SACS: variants seen among roughly 807,000 people sequenced by gnomAD.
The protein encoded by SACS is sacsin.
SACS carries 197 observed loss-of-function variants against 348.0 expected under a neutral mutation model. That is an observed-to-expected ratio of 0.57 (90% confidence interval 0.50 to 0.64). The LOEUF (loss-of-function observed/expected upper bound fraction) is 0.64. Ranked by LOEUF, SACS falls within the 30% of genes least tolerant of loss-of-function variation. The probability of loss-of-function intolerance (pLI) is 0.00; values close to 1 mark genes in which losing one functional copy is unlikely to be tolerated. For synonymous variants in SACS, 1,985 were observed against 1,910.6 expected (o/e 1.04, Z -1.02); for missense variants, 4,999 against 5,360.8 (o/e 0.93, Z 2.11).
At chr13:23,424,481 C>A (rs36118774) in intron 1 of SACS, among the ~76,000 whole-genome samples, 3 of 151,388 alleles carry the variant, frequency 2.0e-5, no homozygotes, top group Non-Finnish European at 4.4e-5. Flanking sequence ...GCCGAGATCA[C>A]GCCACTGCCC....
In SACS at chr13:23,358,411, T is replaced by C. The variant is rs1430720355; in HGVS notation, c.528A>G (p.Ala176=). The C allele has an allele frequency of 6.2e-7, 1 of 1,614,210 alleles. No homozygotes were observed. Among genetic ancestry groups the C allele is most frequent in the Non-Finnish European group, 8.5e-7 (1 of 1,180,006 alleles). ...PEDWHGIQEI[A]RSRKKDDPLK... is the part of the protein sequence containing the mutation. The stretch of plus-strand genomic sequence containing the variant: ...GAGGATCATCCTTTTTCCTGCTTCT[T>C]GCTATTTCTTGAATGCCGTGCCAGT... The change falls in exon 7 of 10, where the codon GCA becomes GCG. Residue 176 remains alanine (A), a synonymous_variant. Transcript: ENST00000382292.
intron 6 of SACS, among the ~76,000 whole-genome samples, chr13:23,363,322 G>A (rs1354019490): frequency 6.6e-6 from 1 of 151,800 alleles, no homozygotes; most frequent in Non-Finnish European, 1.5e-5. Context: ...CTGCCTCCCA[G>A]GTTCAAGCGA....
chr13:23,425,439 C>A (rs534182945), intron 1 of SACS, among the ~76,000 whole-genome samples: 22 of 152,162 alleles, frequency 1.4e-4, no homozygotes, highest in Non-Finnish European at 2.9e-4. Flanking sequence ...TGACTAGGGC[C>A]TGGCATCAAC....
rs529925586 is a variant in SACS, at chr13:23,333,834, A to G, written c.10042T>C (p.Leu3348=). ...CSKDSAFVPL[L]SCHTANIESP... ...TCTATATTTGCTGTGTGACATGACA[A>G]CAAAGGAACAAATGCACTGTCTTTG... is the stretch of plus-strand genomic sequence containing the variant. The change falls in exon 10 of 10, where the codon TTG becomes CTG. Residue 3348 remains leucine (L), a synonymous_variant. Coordinates refer to ENST00000382292, the MANE Select transcript of SACS (RefSeq NM_014363.6). 1.5e-5 allele frequency: 24 copies of G among 1,613,890 alleles called. No homozygotes were observed. The highest frequency in any genetic ancestry group is 1.5e-4 in the African/African-American group (11 of 75,036).
In SACS at chr13:23,333,772, C is replaced by T; in HGVS notation, c.10104G>A (p.Met3368Ile). 6.2e-7 allele frequency: 1 copy of T among 1,613,722 alleles called. No individual in the cohort carries two copies. Among genetic ancestry groups the T allele is most frequent in the Non-Finnish European group, 8.5e-7 (1 of 1,179,794 alleles). Reference protein sequence around the residue: ...PTSILKALHYMVQTSTFRAEK... With the variant: ...PTSILKALHYIVQTSTFRAEK... Reference sequence around the variant, plus strand: ...CTGCTCTAAATGTTGAAGTTTGGACCATATAATGTAGAGCCTTCAAGATGC... The same window carrying T: ...CTGCTCTAAATGTTGAAGTTTGGACTATATAATGTAGAGCCTTCAAGATGC... Residue 3368 changes from methionine (M) to isoleucine (I), a missense_variant, in exon 10 of 10, where the codon ATG becomes ATA. Coordinates refer to ENST00000382292, the MANE Select transcript of SACS (RefSeq NM_014363.6).
At chr13:23,408,542 A>T (rs781780549) in intron 2 of SACS, among the ~76,000 whole-genome samples, 8 of 152,188 alleles carry the variant, frequency 5.3e-5, no homozygotes, top group Non-Finnish European at 8.8e-5. Flanking sequence ...TTTTCCCACA[A>T]TATTTCCATA....
rs758570844 is a variant in SACS at position 23,338,165 on chromosome 13, G to C, written c.5711C>G (p.Thr1904Arg). The C allele has an allele frequency of 5.1e-5, 82 of 1,613,942 alleles. 1 individual carries two copies. In the Middle Eastern group the frequency reaches 1.8e-3, roughly 36 times the overall value. Residue 1904 changes from threonine (T) to arginine (R), a missense_variant, in exon 10 of 10, where the codon ACA (threonine) becomes AGA (arginine). This residue lies in a region of SACS where 3,156 missense variants were observed against 3,380.1 expected (regional missense o/e 0.93). Transcript: ENST00000382292. Reference protein sequence around the residue: ...SNRKEIWKTDTKGRWNTTFMR... With the variant: ...SNRKEIWKTDRKGRWNTTFMR... ...GAACGTGGTATTCCATCGTCCTTTTGTATCTGTTTTCCAGATTTCTTTCCT... is the reference window on the plus strand; with the variant it reads ...GAACGTGGTATTCCATCGTCCTTTTCTATCTGTTTTCCAGATTTCTTTCCT...
chr13:23,387,304 C>T (rs1450313994), intron 2 of SACS, among the ~76,000 whole-genome samples: 1 of 151,242 alleles, frequency 6.6e-6, no homozygotes, highest in Non-Finnish European at 1.5e-5. Context: ...CTAAAAAACA[C>T]AAAAAAAATT....
Position 23,331,463 on chromosome 13 carries a change from C to T in SACS, c.12413G>A (p.Ser4138Asn), listed in dbSNP as rs749642732. ...CGAAGAGTCATATTTCACTCCTAAACTGTCAAGTTTCTCACCAATCCTGTA... is the reference window on the plus strand; with the variant it reads ...CGAAGAGTCATATTTCACTCCTAAATTGTCAAGTTTCTCACCAATCCTGTA... The part of the protein sequence containing the change: ...DIYRIGEKLD[S>N]LGVKYDSSEP... Residue 4138 changes from serine to asparagine, a missense_variant, in exon 10 of 10, where the codon AGT (serine) becomes AAT (asparagine). Transcript: ENST00000382292. The T allele has an allele frequency of 6.2e-7, 1 of 1,614,040 alleles. No homozygotes were observed. Among genetic ancestry groups the T allele is most frequent in the Non-Finnish European group, 8.5e-7 (1 of 1,179,960 alleles).
At chr13:23,348,219 C>T (rs180768260) in intron 9 of SACS, among the ~76,000 whole-genome samples, 10 of 152,292 alleles carry the variant, frequency 6.6e-5, no homozygotes, top group African/African-American at 2.2e-4. Flanking sequence ...CTCTGCAACT[C>T]AAGCAAGTCA....
Position 23,335,194 on chromosome 13 carries a change from C to T in SACS, c.8682G>A (p.Arg2894=). 5 of 1,613,942 alleles carry T rather than the reference C, an allele frequency of 3.1e-6. No homozygotes were observed. The highest frequency in any genetic ancestry group is 4.2e-6 in the Non-Finnish European group (5 of 1,179,892). Residue 2894 remains arginine (R), a synonymous_variant, in exon 10 of 10, where the codon AGG becomes AGA. Transcript: ENST00000382292. The surrounding 1 kb of genome is among the most constrained non-coding windows in gnomAD (Gnocchi z 4.7). ...NGHFALDSAR[R]NLWRDDNGVG... is the part of the protein sequence containing the mutation. ...CTCCATTATCATCACGCCACAGGTT[C>T]CTTCTGGCTGAATCCAGTGCAAAGT...
In SACS at chr13:23,354,768, G is replaced by A. The variant is rs1194969049; in HGVS notation, c.1844C>T (p.Thr615Ile). 4 of 1,613,962 alleles carry A rather than the reference G, an allele frequency of 2.5e-6. No homozygotes were observed. Among genetic ancestry groups the A allele is most frequent in the Non-Finnish European group, 3.4e-6 (4 of 1,179,994 alleles). ...PGNVDAAVQL[T>I]AASGTTPVRK... ...CACAGGTGTTGTGCCAGAGGCAGCT[G>A]TGAGCTGAACAGCAGCATCCACATT... The change falls in exon 8 of 10, where the codon ACA becomes ATA. Residue 615 changes from threonine (T) to isoleucine (I), a missense_variant. Around this residue, in one of 6 missense-constraint regions of SACS, gnomAD observed 3,156 missense variants for 3,380.1 expected, o/e 0.93. Transcript: ENST00000382292.
intron 1 of SACS, among the ~76,000 whole-genome samples, chr13:23,422,402 G>C (rs2137999213): frequency 6.6e-6 from 1 of 152,242 alleles, no homozygotes; most frequent in South Asian, 2.1e-4. Context: ...TTCAGAGGCT[G>C]TTAGGCCCAC....
intron 4 of SACS, among the ~76,000 whole-genome samples, chr13:23,368,940 C>T (rs1263003989): frequency 5.9e-5 from 9 of 152,280 alleles, no homozygotes; most frequent in South Asian, 2.1e-4. Flanking sequence ...ACCTCGTGAT[C>T]CGCCCACCTT....
chr13:23,351,538 C>CA (rs1869960416), intron 9 of SACS, among the ~76,000 whole-genome samples: 1 of 152,122 alleles, frequency 6.6e-6, no homozygotes, highest in African/African-American at 2.4e-5. Context: ...TGCCTGCCGC[C>CA]AAGTAAGATG....
Position 23,331,219 on chromosome 13 carries a change from A to T in SACS, c.12657T>A (p.Ser4219Arg), listed in dbSNP as rs1382444834. Residue 4219 changes from serine to arginine, a missense_variant, in exon 10 of 10, where the codon AGT becomes AGA. Physicochemically the swap from Ser to Arg is moderately radical, Grantham distance 110. Around this residue, in one of 6 missense-constraint regions of SACS, gnomAD observed 831 missense variants for 941.8 expected, o/e 0.88. Transcript: ENST00000382292. ...EVEREDADNS[S>R]FLGKIYQIDI... Reference sequence around the variant, plus strand: ...CTATCTGATATATCTTTCCTAGAAAACTAGAATTGTCAGCATCTTCTCTTT... The same window carrying T: ...CTATCTGATATATCTTTCCTAGAAATCTAGAATTGTCAGCATCTTCTCTTT... 1 of 1,613,890 alleles carries T rather than the reference A, an allele frequency of 6.2e-7. No individual in the cohort carries two copies. Among genetic ancestry groups the T allele is most frequent in the Non-Finnish European group, 8.5e-7 (1 of 1,179,840 alleles).
At position 23,330,017 on chromosome 13, in the gene SACS, G is replaced by C. The variant is rs1487787231; in HGVS notation, c.*119C>G. ...TCATAACAACTCCAGAATTCTCCAA[G>C]AACAATCTGCAATGTGCTTAACAAT... is the stretch of plus-strand genomic sequence containing the variant. On this transcript the variant is annotated 3_prime_UTR_variant, in exon 10 of 10. Coordinates refer to ENST00000382292, the MANE Select transcript of SACS (RefSeq NM_014363.6). 9 of 917,570 alleles carry C rather than the reference G, an allele frequency of 9.8e-6. No homozygotes were observed. The Admixed American group carries it at 1.7e-4, about 17-fold the overall frequency. The allele number at this position is 917,570 out of a possible 1,614,324, so 56.8% of individuals were successfully genotyped here.
At chr13:23,425,877 C>T (rs1874152063) in intron 1 of SACS, among the ~76,000 whole-genome samples, 1 of 152,056 alleles carries the variant, frequency 6.6e-6, no homozygotes, top group South Asian at 2.1e-4. Context: ...TTAGTATATA[C>T]AAAATTTTTA....
At chr13:23,383,226 T>C (rs564902443) in intron 2 of SACS, among the ~76,000 whole-genome samples, 1 of 152,248 alleles carries the variant, frequency 6.6e-6, no homozygotes, top group East Asian at 1.9e-4. Flanking sequence ...TCAGCCACCA[T>C]GTCGAAGTGT....
Sources: gnomAD v4.1 joint callset for allele counts (sites outside exome capture counted in the v4.1 genomes callset) on GRCh38, gnomAD v4.1.1 for gene constraint, gnomAD v4.1.1 regional missense constraint, Gnocchi (gnomAD v3.1) non-coding constraint, MANE v1.5 for transcripts, NCBI Gene and HGNC (gene_info 2026-07-23, HGNC 2026-07-21) for gene names.